Variants in ASAP1 observed in about 807,000 individuals in gnomAD.
ASAP1 encodes the protein arf-GAP with SH3 domain, ANK repeat and PH domain-containing protein 1.
A neutral mutation model predicts 145.2 loss-of-function variants in ASAP1; 43 were observed. The ratio of observed to expected loss-of-function variants is 0.30; its 90% CI spans 0.23 to 0.38. The LOEUF is 0.38. ASAP1 is among the 10% of genes least tolerant of loss of function. ASAP1 has a pLI of 1.00. For synonymous variants in ASAP1, 546 were observed against 515.5 expected, an observed-to-expected ratio of 1.06 and a Z score of -0.80; for missense variants, 1,018 against 1,355.3, an observed-to-expected ratio of 0.75 and a Z score of 3.91.
intron 1 of ASAP1, among the ~76,000 whole-genome samples, chr8:130,411,452 C>T (rs1454104294): frequency 6.6e-6 from 1 of 152,188 alleles, no homozygotes; most frequent in Non-Finnish European, 1.5e-5. Context: ...GAATGAAACC[C>T]TAGTTTCCTG....
Position 130,357,998 on chromosome 8 carries a change from G to T in ASAP1, c.186+19C>A. 6.3e-7 allele frequency: 1 copy of T among 1,596,420 alleles called. No individual in the cohort carries two copies. On this transcript the variant is annotated intron_variant, in intron 3 of 29. Coordinates refer to ENST00000518721, the MANE Select transcript of ASAP1 (RefSeq NM_018482.4). Reference sequence around the variant, plus strand: ...CGGCAGCGGCGAGCGTGGACGGCGGGGGTCCCGGCCCGACCTACCTCCTCC... The same window carrying T: ...CGGCAGCGGCGAGCGTGGACGGCGGTGGTCCCGGCCCGACCTACCTCCTCC...
intron 2 of ASAP1, among the ~76,000 whole-genome samples, chr8:130,384,817 G>T (rs1469223975): frequency 6.6e-6 from 1 of 152,130 alleles, no homozygotes; most frequent in African/African-American, 2.4e-5. Flanking sequence ...CCTGTAATTT[G>T]TTCTTTCAAC....
chr8:130,316,803 T>G lies in ASAP1; in HGVS notation c.186+41214A>C, dbSNP rs184549878. On this transcript the variant is annotated intron_variant, in intron 3 of 29. Transcript: ENST00000518721. ...TTTTAGAGGAGAGAGAAATAAACTA[T>G]CGCATTTAAGCTTCTGTTTATTTGG... 5.0e-4 allele frequency among the ~76,000 whole-genome samples: 76 copies of G among 152,362 alleles called. 1 individual carries two copies. Among genetic ancestry groups the G allele is most frequent in the Non-Finnish European group, 6.8e-4 (46 of 68,044 alleles).
intron 1 of ASAP1, among the ~76,000 whole-genome samples, chr8:130,436,874 A>T (rs1830329622): frequency 6.6e-6 from 1 of 152,118 alleles, no homozygotes; most frequent in Non-Finnish European, 1.5e-5. Context: ...TGGGAGGCTG[A>T]GGCAGGCGGA....
intron 3 of ASAP1, among the ~76,000 whole-genome samples, chr8:130,249,189 T>C (rs986875341): frequency 6.6e-6 from 1 of 152,154 alleles, no homozygotes; most frequent in African/African-American, 2.4e-5. Context: ...TTCCGCACCA[T>C]TGCAGAGTGT....
Position 130,118,143 on chromosome 8 carries a change from A to T in ASAP1, c.1880+18T>A, listed in dbSNP as rs774737244. 4.4e-6 allele frequency: 7 copies of T among 1,608,982 alleles called. No homozygotes were observed. In the South Asian group the frequency reaches 6.6e-5, roughly 15 times the overall value. ...AAGGCATATTCAGGTAATTCAACAG[A>T]GAAAACAAAAACGATACCAGTTTTG... is the stretch of plus-strand genomic sequence containing the variant. On this transcript the variant is annotated intron_variant, in intron 20 of 29. Transcript: ENST00000518721.
chr8:130,298,076 T>C (rs1166958975), intron 3 of ASAP1, among the ~76,000 whole-genome samples: 1 of 152,164 alleles, frequency 6.6e-6, no homozygotes, highest in Non-Finnish European at 1.5e-5. Context: ...TTGGATGGGA[T>C]AAAACTTAAG....
intron 5 of ASAP1, among the ~76,000 whole-genome samples, chr8:130,190,982 T>A (rs903001401): frequency 6.6e-6 from 1 of 152,128 alleles, no homozygotes; most frequent in African/African-American, 2.4e-5. Context: ...CACAGCTATA[T>A]CCTTAATGCC....
chr8:130,371,664 T>C (rs980365589), intron 2 of ASAP1, among the ~76,000 whole-genome samples: 7 of 152,164 alleles, frequency 4.6e-5, no homozygotes, highest in African/African-American at 1.7e-4. Flanking sequence ...TGTAATGTGG[T>C]TGTGACGGCT....
At chr8:130,269,020 C>T (rs1253239394) in intron 3 of ASAP1, among the ~76,000 whole-genome samples, 1 of 152,152 alleles carries the variant, frequency 6.6e-6, no homozygotes, top group Non-Finnish European at 1.5e-5. Context: ...AGTACTGTGG[C>T]TTGTACATAA....
intron 4 of ASAP1, among the ~76,000 whole-genome samples, chr8:130,219,526 A>T (rs574963336): frequency 6.6e-6 from 1 of 152,324 alleles, no homozygotes; most frequent in African/African-American, 2.4e-5. Context: ...AGACGGACTG[A>T]TAAGGCAGAA....
At chr8:130,359,187 A>G (rs76106903) in intron 2 of ASAP1, among the ~76,000 whole-genome samples, 4,355 of 152,298 alleles carry the variant, frequency 0.029, 77 homozygotes, top group African/African-American at 0.048. Context: ...TTTAAAAAAA[A>G]TAATTTTCTA....
intron 5 of ASAP1, among the ~76,000 whole-genome samples, chr8:130,196,890 T>G (rs1215608957): frequency 6.6e-6 from 1 of 152,218 alleles, no homozygotes; most frequent in South Asian, 2.1e-4. Flanking sequence ...TTATAATACC[T>G]TGAAGCTATT....
At chr8:130,324,839 A>T (rs991801834) in intron 3 of ASAP1, among the ~76,000 whole-genome samples, 5 of 152,148 alleles carry the variant, frequency 3.3e-5, no homozygotes, top group African/African-American at 4.8e-5. Flanking sequence ...TGAAAAGCAA[A>T]AGCACACCCT....
At chr8:130,406,371 T>C (rs540582770) in intron 1 of ASAP1, among the ~76,000 whole-genome samples, 1 of 152,278 alleles carries the variant, frequency 6.6e-6, no homozygotes, top group South Asian at 2.1e-4. Context: ...TCCTGTACTC[T>C]AACAGTATGA....
At chr8:130,325,396 C>G (rs1052315586) in intron 3 of ASAP1, among the ~76,000 whole-genome samples, 2 of 152,198 alleles carry the variant, frequency 1.3e-5, no homozygotes, top group Non-Finnish European at 2.9e-5. Flanking sequence ...ATGCTTGCCT[C>G]GTGTGAATTT....
At chr8:130,160,655 A>G (rs1022249486) in intron 11 of ASAP1, 8 of 444,598 alleles carry the variant, frequency 1.8e-5, no homozygotes, top group African/African-American at 8.5e-5. Context: ...TAAGGACTAC[A>G]TGACTAGAAA....
At position 130,216,627 on chromosome 8, in the gene ASAP1, T is replaced by C. The variant is rs541176240; in HGVS notation, c.260-1926A>G. On this transcript the variant is annotated intron_variant, in intron 4 of 29. Transcript: ENST00000518721. ...TGTTGAGGCCCCTCAGTCTTGGACC[T>C]TTCTTCTCTATTTTTGCTTACTCTC... Among the ~76,000 whole-genome samples, 5 of 152,294 alleles carry C rather than the reference T, an allele frequency of 3.3e-5. No homozygotes were observed. The East Asian group carries it at 9.6e-4, about 29-fold the overall frequency.
At chr8:130,242,084 C>T (rs1267519020) in intron 3 of ASAP1, among the ~76,000 whole-genome samples, 1 of 151,832 alleles carries the variant, frequency 6.6e-6, no homozygotes, top group Non-Finnish European at 1.5e-5. Context: ...GTGCTCTGAG[C>T]ATTCAATACA....
Sources: gnomAD v4.1 joint callset for allele counts (sites outside exome capture counted in the v4.1 genomes callset) on GRCh38, gnomAD v4.1.1 for gene constraint, MANE v1.5 for transcripts, NCBI Gene and HGNC (gene_info 2026-07-23, HGNC 2026-07-21) for gene names.